Variants in PTPRS observed in about 807,000 individuals in gnomAD.
PTPRS encodes the protein protein tyrosine phosphatase receptor type S.
A neutral mutation model predicts 215.3 loss-of-function variants in PTPRS; 63 were observed. The ratio of observed to expected loss-of-function variants is 0.29; its 90% CI spans 0.24 to 0.36. PTPRS has a LOEUF of 0.36. PTPRS is among the 10% of genes least tolerant of loss of function. PTPRS has a pLI of 1.00. For synonymous variants in PTPRS, 1,404 were observed against 1,191.4 expected, an observed-to-expected ratio of 1.18 and a Z score of -3.68; for missense variants, 2,258 against 2,825.8, an observed-to-expected ratio of 0.80 and a Z score of 4.56.
chr19:5,240,262 G>T lies in PTPRS; in HGVS notation c.1641C>A (p.Pro547=). ...ACTTGATGATACTCTCCTGCCGCGG[G>T]GGGCTCCAGGACAGCGTGATGCTGG... is the stretch of plus-strand genomic sequence containing the variant. ...SETSITLSWS[P]PRQESIIKYE... is the part of the protein sequence containing the mutation. Residue 547 remains proline, a synonymous_variant, in exon 12 of 38, where the codon CCC becomes CCA. Coordinates refer to ENST00000262963, the MANE Select transcript of PTPRS (RefSeq NM_002850.4). 6.3e-7 allele frequency: 1 copy of T among 1,592,432 alleles called. No individual in the cohort carries two copies. Among genetic ancestry groups the T allele is most frequent in the Non-Finnish European group, 8.5e-7 (1 of 1,170,992 alleles).
chr19:5,337,874 G>C (rs2050556182), intron 1 of PTPRS, among the ~76,000 whole-genome samples: 1 of 152,106 alleles, frequency 6.6e-6, no homozygotes, highest in Non-Finnish European at 1.5e-5. Context: ...GAAAAAAGGC[G>C]CACTGAACGC....
chr19:5,325,650 C>T (rs903869104), intron 1 of PTPRS, among the ~76,000 whole-genome samples: 4 of 152,236 alleles, frequency 2.6e-5, no homozygotes, highest in African/African-American at 7.2e-5. Context: ...AGGCCCCCAC[C>T]GGCAATCTGT....
rs1482540483 is a variant in PTPRS, at chr19:5,219,485, G to T, written c.3766-18C>A. 4 of 1,550,162 alleles carry T rather than the reference G, an allele frequency of 2.6e-6. No individual in the cohort carries two copies. In the Admixed American group the frequency reaches 7.7e-5, roughly 30 times the overall value. ...GCAAAGGTCTGCAGGGAAAGGAGGG[G>T]GGTCTCCATCAGTGTCCACCCTCCT... is the stretch of plus-strand genomic sequence containing the variant. On this transcript the variant is annotated intron_variant, in intron 22 of 37. Coordinates refer to ENST00000262963, the MANE Select transcript of PTPRS (RefSeq NM_002850.4).
chr19:5,215,404 G>A lies in PTPRS; in HGVS notation c.4203C>T (p.Asp1401=). 1 of 1,614,080 alleles carries A rather than the reference G, an allele frequency of 6.2e-7. No individual in the cohort carries two copies. The highest frequency in any genetic ancestry group is 8.5e-7 in the Non-Finnish European group (1 of 1,180,002). The change falls in exon 28 of 38, where the codon GAC becomes GAT. Residue 1401 remains aspartate, a synonymous_variant. Coordinates refer to ENST00000262963, the MANE Select transcript of PTPRS (RefSeq NM_002850.4). ...GTTCCCATGTGAACTGCTGTCCAGG[G>A]TCGATGGACTACAGAGGAAGGGGAG... The part of the protein sequence containing the change: ...LKLSQEYESI[D]PGQQFTWEHS...
intron 3 of PTPRS, 51 bp from the exon 4 acceptor site, chr19:5,273,634 G>C (rs555426392): frequency 6.2e-7 from 1 of 1,609,358 alleles, no homozygotes; most frequent in African/African-American, 1.3e-5. Context: ...GTCCCAGGAA[G>C]GTTCCTGTCT....
Position 5,260,807 on chromosome 19 carries a change from C to A in PTPRS, c.593G>T (p.Arg198Leu), listed in dbSNP as rs747842113. ...RSETFESTPI[R>L]GALQIESSEE... Reference sequence around the variant, plus strand: ...TGGGTGAGTGAGGAGCCTCTTACCTCGAATCGGAGTGCTTTCTGTAAGGGA... The same window carrying A: ...TGGGTGAGTGAGGAGCCTCTTACCTAGAATCGGAGTGCTTTCTGTAAGGGA... The change falls in exon 7 of 38, where the codon CGA (arginine) becomes CTA (leucine). Residue 198 changes from arginine (R) to leucine (L), a missense_variant and splice_region_variant. Transcript: ENST00000262963. 6.2e-7 allele frequency: 1 copy of A among 1,613,722 alleles called. No individual in the cohort carries two copies. The highest frequency in any genetic ancestry group is 1.3e-5 in the African/African-American group (1 of 75,040).
At chr19:5,326,227 T>C (rs1470978535) in intron 1 of PTPRS, among the ~76,000 whole-genome samples, 1 of 151,780 alleles carries the variant, frequency 6.6e-6, no homozygotes, top group Non-Finnish European at 1.5e-5. Flanking sequence ...TGAGACTCCA[T>C]CTCAAGAAAA....
rs191744314 is a variant in PTPRS, at chr19:5,264,360, C to T, written c.568+648G>A. Among the ~76,000 whole-genome samples, 48 of 152,326 alleles carry T rather than the reference C, an allele frequency of 3.2e-4. 1 individual carries two copies. The highest frequency in any genetic ancestry group is 9.6e-4 in the African/African-American group (40 of 41,578). The stretch of plus-strand genomic sequence containing the variant: ...GGATGCTCTCTGCCACCTTCCATAG[C>T]TCCCTATTACATACCCATTGAAGCT... On this transcript the variant is annotated intron_variant, in intron 5 of 37. Transcript: ENST00000262963.
At chr19:5,219,882 G>C in intron 22 of PTPRS, 57 bp downstream of exon 22, 1 of 1,556,722 alleles carries the variant, frequency 6.4e-7, no homozygotes, top group South Asian at 1.2e-5. Context: ...CTGGGGAATG[G>C]GGTCTGCCTC....
At position 5,230,547 on chromosome 19, in the gene PTPRS, C is replaced by G. The variant is rs147945850; in HGVS notation, c.2155+763G>C. On this transcript the variant is annotated intron_variant, in intron 14 of 37. Transcript: ENST00000262963. ...GATCACAGCTCATTGCAGCCTCAAA[C>G]TGCTATGCCCAGCAATCCCCGCACC... Among the ~76,000 whole-genome samples the G allele has an allele frequency of 5.1e-3, 781 of 152,354 alleles. 13 individuals carry two copies. The highest frequency in any genetic ancestry group is 0.018 in the African/African-American group (760 of 41,586).
chr19:5,250,126 C>T (rs563739814), intron 9 of PTPRS, among the ~76,000 whole-genome samples: 6 of 152,318 alleles, frequency 3.9e-5, no homozygotes, highest in African/African-American at 1.4e-4. Flanking sequence ...TTAAATGGAC[C>T]TGCCAATAAA....
chr19:5,300,781 A>AG (rs1490158500), intron 1 of PTPRS, among the ~76,000 whole-genome samples: 17 of 151,128 alleles, frequency 1.1e-4, no homozygotes, highest in Admixed American at 6.6e-4. Flanking sequence ...AAAAAAAAAA[A>AG]AAAAGAAAAG....
At chr19:5,208,108 C>A in intron 36 of PTPRS, 51 bp from the exon 37 acceptor site, 1 of 1,590,636 alleles carries the variant, frequency 6.3e-7, no homozygotes, top group Non-Finnish European at 8.6e-7. Flanking sequence ...GCTGGGGAGC[C>A]CTGATCTGAC....
chr19:5,273,670 G>C, intron 3 of PTPRS, 87 bp from the exon 4 acceptor site: 1 of 1,497,644 alleles, frequency 6.7e-7, no homozygotes, highest in Non-Finnish European at 9.1e-7. Context: ...GGGCTGTAGG[G>C]GAATGGCAGT....
intron 8 of PTPRS, among the ~76,000 whole-genome samples, chr19:5,256,485 G>A (rs1048941723): frequency 5.9e-5 from 9 of 152,008 alleles, no homozygotes; most frequent in African/African-American, 2.2e-4. Flanking sequence ...CCACCTCTGG[G>A]GGATGAGGAC....
At chr19:5,252,286 T>G (rs1260661054) in intron 9 of PTPRS, among the ~76,000 whole-genome samples, 1 of 152,098 alleles carries the variant, frequency 6.6e-6, no homozygotes, top group African/African-American at 2.4e-5. Flanking sequence ...GGTAGAACAT[T>G]GCTCAACCGG....
intron 1 of PTPRS, among the ~76,000 whole-genome samples, chr19:5,334,874 G>C (rs1356585418): frequency 1.3e-5 from 2 of 152,210 alleles, no homozygotes; most frequent in Non-Finnish European, 2.9e-5. Context: ...CGGCAGGTTG[G>C]AGGAGACAAG....
At chr19:5,225,151 C>G (rs1311375049) in intron 17 of PTPRS, among the ~76,000 whole-genome samples, 6 of 152,034 alleles carry the variant, frequency 3.9e-5, no homozygotes, top group Non-Finnish European at 8.8e-5. Context: ...ATGGAAGGGA[C>G]AATGGAGGGG....
At chr19:5,240,716 G>A (rs1267682584) in intron 11 of PTPRS, among the ~76,000 whole-genome samples, 3 of 151,364 alleles carry the variant, frequency 2.0e-5, no homozygotes, top group Admixed American at 2.0e-4. Flanking sequence ...GCGGGCACCT[G>A]TAGTCCCAGC....
Sources: gnomAD v4.1 joint callset for allele counts (sites outside exome capture counted in the v4.1 genomes callset) on GRCh38, gnomAD v4.1.1 for gene constraint, MANE v1.5 for transcripts, NCBI Gene and HGNC (gene_info 2026-07-23, HGNC 2026-07-21) for gene names.